The following MYPN variants were observed in gnomAD, a reference collection of about 807,000 sequenced individuals.
The protein encoded by MYPN is sarcomeric protein myopalladin, 145 kDa (MYOP).
Under a neutral mutation model 129.4 loss-of-function variants are expected in MYPN, and 63 were observed. The ratio of observed to expected loss-of-function variants is 0.49; its 90% CI spans 0.40 to 0.60. The LOEUF (loss-of-function observed/expected upper bound fraction) is 0.60. Among genes scored for constraint, MYPN ranks in the 20% least tolerant of loss-of-function variants. MYPN has a pLI of 0.00. For missense variants in MYPN, 1,596 were observed against 1,635.4 expected (o/e 0.98, Z 0.42); for synonymous variants, 629 against 600.9 (o/e 1.05, Z -0.68).
chr10:68,174,030 T>C (rs1466441070), intron 10 of MYPN, 36 bp from the exon 11 acceptor site: 1 of 1,499,940 alleles, frequency 6.7e-7, no homozygotes, highest in Admixed American at 1.7e-5. Context: ...TAATAACACA[T>C]TTCCTTCTCT....
chr10:68,097,055 C>G (rs2041960211), intron 1 of MYPN, among the ~76,000 whole-genome samples: 1 of 152,124 alleles, frequency 6.6e-6, no homozygotes, highest in African/African-American at 2.4e-5. Flanking sequence ...AATTTAAATC[C>G]TTTAGCTATG....
intron 12 of MYPN, among the ~76,000 whole-genome samples, chr10:68,187,819 C>A (rs1000304649): frequency 3.9e-5 from 6 of 151,986 alleles, no homozygotes; most frequent in African/African-American, 1.4e-4. Context: ...TGGTGTGTCA[C>A]GGAAGGAAAT....
chr10:68,205,027 T>C (rs866288146), intron 18 of MYPN, among the ~76,000 whole-genome samples: 34 of 152,180 alleles, frequency 2.2e-4, no homozygotes, highest in Admixed American at 7.2e-4. Context: ...CCTTTGAGAC[T>C]GAGCTGGAGC....
intron 12 of MYPN, among the ~76,000 whole-genome samples, chr10:68,178,333 G>A (rs1328262964): frequency 6.6e-6 from 1 of 152,164 alleles, no homozygotes; most frequent in Non-Finnish European, 1.5e-5. Flanking sequence ...ATTTTGAAGA[G>A]TACCATTCAT....
rs531222847 is a variant in MYPN at position 68,199,498 on chromosome 10, G to T, written c.3416G>T (p.Arg1139Leu). Residue 1139 changes from arginine to leucine, a missense_variant, in exon 17 of 20, where the codon CGC (arginine) becomes CTC (leucine). Coordinates refer to ENST00000358913, the MANE Select transcript of MYPN (RefSeq NM_032578.4). Reference protein sequence around the residue: ...HSLLIDPLTQRDAGTYKCIAT... With the variant: ...HSLLIDPLTQLDAGTYKCIAT... Reference sequence around the variant, plus strand: ...CTGCTCATTGACCCACTCACTCAGCGCGACGCAGGGACCTATAAGTGCATC... The same window carrying T: ...CTGCTCATTGACCCACTCACTCAGCTCGACGCAGGGACCTATAAGTGCATC... The T allele has an allele frequency of 1.9e-6, 3 of 1,614,148 alleles. No homozygotes were observed. The East Asian group carries it at 6.7e-5, about 36-fold the overall frequency.
chr10:68,195,663 G>A (rs554060881), intron 15 of MYPN, 131 bp downstream of exon 15: 5 of 772,600 alleles, frequency 6.5e-6, no homozygotes, highest in African/African-American at 5.1e-5. Flanking sequence ...AGCATCACCT[G>A]GGCGTTGGTT....
At chr10:68,197,603 C>T in intron 16 of MYPN, 125 bp downstream of exon 16, 1 of 1,183,972 alleles carries the variant, frequency 8.4e-7, no homozygotes. Context: ...GGAAGGGAGA[C>T]AGATCACTTT....
In MYPN at chr10:68,148,486, A is replaced by G. The variant is rs773859141; in HGVS notation, c.1245+19A>G. ...CCAGCAGGTACAAGAATCCAAGCGA[A>G]ACACAAGTGCCATCCACTGTGACAG... On this transcript the variant is annotated intron_variant, in intron 5 of 19. Coordinates refer to ENST00000358913, the MANE Select transcript of MYPN (RefSeq NM_032578.4). 59 of 1,583,992 alleles carry G rather than the reference A, an allele frequency of 3.7e-5. 1 individual carries two copies. The Admixed American group carries it at 6.2e-4, about 17-fold the overall frequency.
At chr10:68,115,117 G>A (rs574018155) in intron 1 of MYPN, among the ~76,000 whole-genome samples, 2 of 152,178 alleles carry the variant, frequency 1.3e-5, no homozygotes, top group South Asian at 4.1e-4. Flanking sequence ...AAATTAGCCA[G>A]GGGTGGTGGC....
upstream of MYPN, chr10:68,109,397 G>A (rs2042050778): frequency 2.4e-6 from 1 of 410,130 alleles, no homozygotes; most frequent in Non-Finnish European, 4.9e-6. Flanking sequence ...GTCCTGCTAT[G>A]GAATCCCTTT....
intron 12 of MYPN, among the ~76,000 whole-genome samples, chr10:68,176,234 A>G (rs956887438): frequency 9.2e-5 from 14 of 152,236 alleles, no homozygotes; most frequent in Non-Finnish European, 1.5e-5. Context: ...CACCAAAGGA[A>G]AAAGAGGAAA....
At chr10:68,091,393 C>CTTT (rs11301512) in intron 1 of MYPN, among the ~76,000 whole-genome samples, 64 of 106,724 alleles carry the variant, frequency 6.0e-4, no homozygotes, top group East Asian at 2.3e-3. Context: ...GACTACAGCC[C>CTTT]TTTTTTTTTT....
chr10:68,125,458 T>C (rs2042311832), intron 2 of MYPN, among the ~76,000 whole-genome samples: 1 of 152,228 alleles, frequency 6.6e-6, no homozygotes, highest in South Asian at 2.1e-4. Flanking sequence ...GACTATTAGC[T>C]GCCATTTTCC....
At chr10:68,144,255 T>C (rs1205939281) in intron 3 of MYPN, among the ~76,000 whole-genome samples, 1 of 152,220 alleles carries the variant, frequency 6.6e-6, no homozygotes, top group Admixed American at 6.5e-5. Flanking sequence ...TCTTATCCTC[T>C]GAATTTTGTC....
chr10:68,135,056 A>G (rs2042465969), intron 2 of MYPN, among the ~76,000 whole-genome samples: 1 of 151,976 alleles, frequency 6.6e-6, no homozygotes, highest in Non-Finnish European at 1.5e-5. Flanking sequence ...GGTTCAAGCG[A>G]TTCTCAAGCC....
Position 68,188,252 on chromosome 10 carries a change from G to A in MYPN, c.2704-653G>A, listed in dbSNP as rs531634001. Among the ~76,000 whole-genome samples the A allele has an allele frequency of 8.7e-4, 133 of 152,200 alleles. 1 individual carries two copies. The highest frequency in any genetic ancestry group is 2.8e-3 in the African/African-American group (117 of 41,524). ...AGCCACACCAGTAGCTGGGATTATA[G>A]GTGTGCACCGCCACACCCAGCTAAT... is the stretch of plus-strand genomic sequence containing the variant. On this transcript the variant is annotated intron_variant, in intron 12 of 19. Transcript: ENST00000358913.
intron 1 of MYPN, among the ~76,000 whole-genome samples, chr10:68,090,185 C>T (rs1251040806): frequency 6.6e-6 from 1 of 151,598 alleles, no homozygotes; most frequent in Non-Finnish European, 1.5e-5. Flanking sequence ...TTTTTTGAGA[C>T]AAAGTCTCAC....
At chr10:68,116,742 AAAAG>A (rs2042163084) in intron 1 of MYPN, among the ~76,000 whole-genome samples, 1 of 152,172 alleles carries the variant, frequency 6.6e-6, no homozygotes, top group Admixed American at 6.5e-5. Context: ...ATCTCAAAAA[AAAAG>A]AAAGAAAAGA....
intron 10 of MYPN, among the ~76,000 whole-genome samples, chr10:68,170,921 G>T (rs1026276552): frequency 6.6e-6 from 1 of 152,130 alleles, no homozygotes; most frequent in Non-Finnish European, 1.5e-5. Flanking sequence ...GGCCAAGGCA[G>T]GTGGATCACT....
Sources: gnomAD v4.1 joint callset for allele counts (sites outside exome capture counted in the v4.1 genomes callset) on GRCh38, gnomAD v4.1.1 for gene constraint, MANE v1.5 for transcripts, NCBI Gene and HGNC (gene_info 2026-07-23, HGNC 2026-07-21) for gene names.